PTPRR: variants seen among roughly 807,000 people sequenced by gnomAD.
PTPRR encodes the protein protein tyrosine phosphatase receptor type R.
PTPRR carries 38 observed loss-of-function variants against 77.2 expected under a neutral mutation model. The ratio of observed to expected loss-of-function variants is 0.49; its 90% CI spans 0.38 to 0.65. PTPRR has a LOEUF of 0.65. PTPRR is among the 30% of genes least tolerant of loss of function. PTPRR has a pLI of 0.00. For missense variants in PTPRR, 744 were observed against 799.2 expected, an observed-to-expected ratio of 0.93 and a Z score of 0.83; for synonymous variants, 299 against 283.1, an observed-to-expected ratio of 1.06 and a Z score of -0.57.
Position 70,733,418 on chromosome 12 carries a change from A to AAAC in PTPRR, c.1007+12397_1007+12399dup, listed in dbSNP as rs1421461750. Reference sequence around the variant, plus strand: ...ACGCTGTCATAAAAAAAATACAAACAAACAACAACAAAAAAAAAAAAAAAA... The same window carrying AAAC: ...ACGCTGTCATAAAAAAAATACAAACAAACAACAACAACAAAAAAAAAAAAAAAA... On this transcript the variant is annotated intron_variant, in intron 6 of 13. Coordinates refer to ENST00000283228, the MANE Select transcript of PTPRR (RefSeq NM_002849.4). Among the ~76,000 whole-genome samples, 408 of 103,558 alleles carry AAAC rather than the reference A, an allele frequency of 3.9e-3. 177 individuals carry two copies. Among genetic ancestry groups the AAAC allele is most frequent in the Middle Eastern group, 0.019 (4 of 206 alleles). The allele number at this position is 103,558 out of a possible 152,430, so 67.9% of individuals were successfully genotyped here.
chr12:70,687,485 G>A (rs1285743371), intron 8 of PTPRR, among the ~76,000 whole-genome samples: 2 of 151,924 alleles, frequency 1.3e-5, no homozygotes, highest in Non-Finnish European at 2.9e-5. Context: ...GATCTTATAG[G>A]CCACAGGTAA....
At chr12:70,723,009 G>A (rs1889313298) in intron 6 of PTPRR, among the ~76,000 whole-genome samples, 2 of 152,138 alleles carry the variant, frequency 1.3e-5, no homozygotes, top group South Asian at 4.1e-4. Context: ...TTAGATGTGC[G>A]GGTCAACAAA....
intron 10 of PTPRR, chr12:70,672,544 A>T (rs574472920): frequency 1.5e-6 from 2 of 1,319,802 alleles, no homozygotes; most frequent in South Asian, 2.3e-5. Flanking sequence ...GCTGGGAAAA[A>T]CCTTCAACAC....
At chr12:70,753,470 A>G (rs1445429315) in intron 5 of PTPRR, among the ~76,000 whole-genome samples, 1 of 152,182 alleles carries the variant, frequency 6.6e-6, no homozygotes, top group East Asian at 1.9e-4. Flanking sequence ...GAAATTTTCA[A>G]ATGAGTAGAA....
At chr12:70,806,405 T>C (rs1891710246) in intron 2 of PTPRR, among the ~76,000 whole-genome samples, 2 of 152,176 alleles carry the variant, frequency 1.3e-5, no homozygotes, top group South Asian at 4.1e-4. Context: ...ATATACAAGA[T>C]ATAGTGGTTG....
At chr12:70,731,193 C>T (rs1889650049) in intron 6 of PTPRR, among the ~76,000 whole-genome samples, 3 of 151,850 alleles carry the variant, frequency 2.0e-5, no homozygotes, top group Admixed American at 2.0e-4. Flanking sequence ...CAACTCTCTT[C>T]TATGAAACTG....
chr12:70,752,071 T>C (rs1012241613), intron 5 of PTPRR, among the ~76,000 whole-genome samples: 1 of 152,232 alleles, frequency 6.6e-6, no homozygotes, highest in Non-Finnish European at 1.5e-5. Flanking sequence ...TGTCATATAG[T>C]TGGACTCACA....
chr12:70,821,213 C>CTGTTTTTTTTTTTTTTTTTT (rs1892003004), intron 2 of PTPRR, among the ~76,000 whole-genome samples: 2 of 31,990 alleles, frequency 6.3e-5, no homozygotes, highest in South Asian at 2.7e-3. Context: ...GGGATCACTG[C>CTGTTTTTTTTTTTTTTTTTT]TTTTTTTTTT....
chr12:70,836,129 T>C (rs1321562403), intron 2 of PTPRR, among the ~76,000 whole-genome samples: 1 of 152,096 alleles, frequency 6.6e-6, no homozygotes, highest in East Asian at 1.9e-4. Flanking sequence ...TACTTGAACC[T>C]GGTGATGTCA....
chr12:70,834,980 C>T (rs1892276482), intron 2 of PTPRR, among the ~76,000 whole-genome samples: 1 of 152,050 alleles, frequency 6.6e-6, no homozygotes, highest in East Asian at 1.9e-4. Context: ...GGGTTTGATA[C>T]TTACCCCTTC....
intron 3 of PTPRR, 95 bp from the exon 4 acceptor site, chr12:70,761,721 G>A (rs1422245501): frequency 1.0e-6 from 1 of 956,794 alleles, no homozygotes; most frequent in Non-Finnish European, 1.5e-6. Flanking sequence ...AAGGAAGTCA[G>A]AATTCTAGAA....
At position 70,831,342 on chromosome 12, in the gene PTPRR, G is replaced by A. The variant is rs573435182; in HGVS notation, c.357+61337C>T. Among the ~76,000 whole-genome samples the A allele has an allele frequency of 1.6e-3, 248 of 152,214 alleles. 2 individuals carry two copies. Among genetic ancestry groups the A allele is most frequent in the Middle Eastern group, 3.4e-3 (1 of 294 alleles). ...TCAGAAGGTACTACTTCACTATTTT[G>A]AACCCAGCAGTCTTACTATACTAGC... On this transcript the variant is annotated intron_variant, in intron 2 of 13. Transcript: ENST00000283228.
chr12:70,655,031 A>G (rs1428628329), intron 13 of PTPRR, among the ~76,000 whole-genome samples: 1 of 152,236 alleles, frequency 6.6e-6, no homozygotes, highest in African/African-American at 2.4e-5. Context: ...CTGAAGCAGC[A>G]TCTGTCCACT....
intron 2 of PTPRR, among the ~76,000 whole-genome samples, chr12:70,844,469 TA>T (rs1892450607): frequency 6.6e-6 from 1 of 152,186 alleles, no homozygotes; most frequent in Non-Finnish European, 1.5e-5. Flanking sequence ...TAATATTATA[TA>T]TGTCTAACAT....
chr12:70,702,617 C>A (rs904296610), intron 6 of PTPRR, among the ~76,000 whole-genome samples: 2 of 152,174 alleles, frequency 1.3e-5, no homozygotes, highest in African/African-American at 4.8e-5. Context: ...TAACGAAAAT[C>A]TATCAGTTTT....
At chr12:70,906,479 G>C (rs1304578339) in intron 1 of PTPRR, among the ~76,000 whole-genome samples, 1 of 151,914 alleles carries the variant, frequency 6.6e-6, no homozygotes, top group Admixed American at 6.6e-5. Context: ...CATTCTATTG[G>C]TAATAGTAAC....
intron 9 of PTPRR, 134 bp from the exon 10 acceptor site, chr12:70,684,398 TACA>T (rs1887785048): frequency 3.2e-6 from 3 of 930,846 alleles, no homozygotes; most frequent in Admixed American, 5.5e-5. Flanking sequence ...CTGACTCTAG[TACA>T]ACAATTTCCA....
intron 10 of PTPRR, among the ~76,000 whole-genome samples, chr12:70,662,934 A>G (rs953165959): frequency 1.3e-5 from 2 of 152,140 alleles, no homozygotes; most frequent in African/African-American, 4.8e-5. Flanking sequence ...TAAGAAGTTA[A>G]GAAATTTAAG....
intron 2 of PTPRR, among the ~76,000 whole-genome samples, chr12:70,783,745 C>G (rs1471900650): frequency 5.9e-5 from 9 of 152,026 alleles, no homozygotes. Context: ...CCATGGTGCC[C>G]AGGCTGCTGG....
Sources: allele counts gnomAD v4.1 joint callset (sites outside exome capture counted in the v4.1 genomes callset), GRCh38; gene constraint gnomAD v4.1.1; transcripts MANE v1.5; gene names NCBI Gene and HGNC (gene_info 2026-07-23, HGNC 2026-07-21).